Variants in FGF13 observed in about 807,000 individuals in gnomAD.
FGF13 encodes the protein fibroblast growth factor 13.
Under a neutral mutation model 19.5 loss-of-function variants are expected in FGF13, and 2 were observed. That is an observed-to-expected ratio of 0.10 (90% confidence interval 0.04 to 0.32). FGF13 has a LOEUF of 0.32. Among genes scored for constraint, FGF13 ranks in the 10% least tolerant of loss-of-function variants. FGF13 has a pLI of 1.00. For synonymous variants in FGF13, 72 were observed against 76.9 expected (o/e 0.94, Z 0.33); for missense variants, 113 against 192.7 (o/e 0.59, Z 2.45).
chrX:138,783,090 C>T (rs1444454912), intron 3 of FGF13, among the ~76,000 whole-genome samples: 1 of 98,478 alleles, frequency 1.0e-5, no homozygotes, highest in Non-Finnish European at 2.0e-5. Context: ...ATAAATGGTA[C>T]TGGGAAAACT....
intron 1 of FGF13, among the ~76,000 whole-genome samples, chrX:138,891,106 A>T (rs1328047062): frequency 9.0e-6 from 1 of 111,642 alleles, no homozygotes; most frequent in Non-Finnish European, 1.9e-5. Flanking sequence ...CCTGGCTAAC[A>T]CGGTGAAACC....
At chrX:138,678,138 A>G (rs2089691576) in intron 3 of FGF13, among the ~76,000 whole-genome samples, 1 of 111,007 alleles carries the variant, frequency 9.0e-6, no homozygotes, top group Non-Finnish European at 1.9e-5. Flanking sequence ...ATGAGAACAC[A>G]TGGACACAGG....
chrX:139,129,805 C>A (rs763238959), intron 1 of FGF13, among the ~76,000 whole-genome samples: 2 of 111,553 alleles, frequency 1.8e-5, no homozygotes, highest in South Asian at 7.6e-4. Flanking sequence ...GACCCAGGAA[C>A]AGTCTCTTCC....
chrX:138,766,872 A>G (rs1372545446), intron 3 of FGF13, among the ~76,000 whole-genome samples: 1 of 112,054 alleles, frequency 8.9e-6, no homozygotes, highest in Non-Finnish European at 1.9e-5. Flanking sequence ...TCCAGCTTCA[A>G]TCTTCTACAT....
At chrX:138,677,533 C>A (rs2089683243) in intron 3 of FGF13, among the ~76,000 whole-genome samples, 3 of 111,377 alleles carry the variant, frequency 2.7e-5, no homozygotes. Flanking sequence ...TGAACAGACA[C>A]TTCTCAAAAG....
chrX:138,781,679 C>A (rs1441841077), intron 3 of FGF13, among the ~76,000 whole-genome samples: 3 of 111,486 alleles, frequency 2.7e-5, no homozygotes, highest in African/African-American at 9.8e-5. Context: ...GCTTACCAAC[C>A]AAAAAGAGTC....
rs2088965148 is a variant in FGF13, at chrX:138,616,109, G to A, written c.*16741C>T. 1 of 111,523 alleles carries A rather than the reference G, an allele frequency of 9.0e-6. No homozygotes were observed. The highest frequency in any genetic ancestry group is 3.3e-5 in the African/African-American group (1 of 30,607). The allele number at this position is 111,523 out of a possible 1,213,427, so 9.2% of individuals were successfully genotyped here. A position where few individuals can be genotyped will look rare whatever the true frequency, so the allele number is the denominator to read the frequency against. On this transcript the variant is annotated 3_prime_UTR_variant, in exon 5 of 5. Coordinates refer to ENST00000315930, the MANE Select transcript of FGF13 (RefSeq NM_004114.5). ...TTCTCACATTTCAAAACACAATCAT[G>A]CCCTTCCAATAGTCCCCCAAAGTAT...
chrX:139,189,064 TCC>T (rs2084303187), intron 1 of FGF13, among the ~76,000 whole-genome samples: 2 of 86,191 alleles, frequency 2.3e-5, no homozygotes, highest in Admixed American at 2.3e-4. Flanking sequence ...GTTCATTGTT[TCC>T]ACACACACAC....
At position 138,634,319 on chromosome X, in the gene FGF13, C is replaced by T. The variant is rs17510291; in HGVS notation, c.601+1138G>A. Among the ~76,000 whole-genome samples the T allele has an allele frequency of 8.0e-3, 897 of 111,959 alleles. 8 individuals are homozygous for T. Among genetic ancestry groups the T allele is most frequent in the African/African-American group, 0.027 (842 of 30,793 alleles). On this transcript the variant is annotated intron_variant, in intron 4 of 4. Transcript: ENST00000315930. The stretch of plus-strand genomic sequence containing the variant: ...ACGCCATTCTCCGGACCTCGTGATC[C>T]GCCCGCCTCGGCCTCCCCAAAGTGC...
intron 1 of FGF13, among the ~76,000 whole-genome samples, chrX:138,928,424 C>T (rs920057522): frequency 6.3e-5 from 7 of 110,639 alleles, no homozygotes; most frequent in Admixed American, 5.8e-4. Context: ...ATGTGTATTG[C>T]ATTATATCTA....
At chrX:138,884,067 C>A (rs753356355) in intron 1 of FGF13, among the ~76,000 whole-genome samples, 1 of 111,573 alleles carries the variant, frequency 9.0e-6, no homozygotes, top group East Asian at 2.8e-4. Flanking sequence ...CATCTGCAAA[C>A]TGGAAAAAAT....
At chrX:138,866,144 G>C (rs982625185) in intron 1 of FGF13, among the ~76,000 whole-genome samples, 2 of 112,607 alleles carry the variant, frequency 1.8e-5, no homozygotes, top group Non-Finnish European at 3.7e-5. Context: ...GTAATTCAGT[G>C]GTTCTTTATC....
chrX:138,747,085 TCATCAGAAAGAATGGA>T (rs1475637606), intron 3 of FGF13, among the ~76,000 whole-genome samples: 1 of 111,300 alleles, frequency 9.0e-6, no homozygotes, highest in Non-Finnish European at 1.9e-5. Flanking sequence ...CCACCAATTC[TCATCAGAAAGAATGGA>T]ACCTGGAAAC....
intron 1 of FGF13, among the ~76,000 whole-genome samples, chrX:139,018,241 C>A (rs1277137466): frequency 9.0e-6 from 1 of 111,518 alleles, no homozygotes; most frequent in Admixed American, 9.5e-5. Flanking sequence ...ACTGAGTAAT[C>A]CACATTGGAG....
chrX:139,070,298 C>T (rs2092372443), intron 1 of FGF13, among the ~76,000 whole-genome samples: 1 of 111,976 alleles, frequency 8.9e-6, no homozygotes, highest in Non-Finnish European at 1.9e-5. Context: ...AAACGAATAA[C>T]CCCATCAAAA....
At chrX:139,006,829 CA>C (rs1269350498) in intron 1 of FGF13, among the ~76,000 whole-genome samples, 9 of 110,787 alleles carry the variant, frequency 8.1e-5, no homozygotes, top group South Asian at 3.8e-4. Context: ...AACCCCAAAT[CA>C]AAAAACATGA....
chrX:138,755,325 A>T (rs1195021596), intron 3 of FGF13, among the ~76,000 whole-genome samples: 1 of 112,405 alleles, frequency 8.9e-6, no homozygotes, highest in African/African-American at 3.2e-5. Context: ...ATAGGGAATT[A>T]AGTTAATCAA....
At chrX:138,839,193 A>C (rs2091132970) in intron 3 of FGF13, among the ~76,000 whole-genome samples, 1 of 110,839 alleles carries the variant, frequency 9.0e-6, no homozygotes, top group African/African-American at 3.3e-5. Context: ...GTCATATGAT[A>C]CCTTTCATTA....
At chrX:139,145,832 T>A (rs1603220185) in intron 1 of FGF13, among the ~76,000 whole-genome samples, 2 of 111,979 alleles carry the variant, frequency 1.8e-5, no homozygotes, top group South Asian at 7.5e-4. Context: ...CAGGAAGGAA[T>A]CAGGTGAGAG....
Sources: allele counts gnomAD v4.1 joint callset (sites outside exome capture counted in the v4.1 genomes callset), GRCh38; gene constraint gnomAD v4.1.1; transcripts MANE v1.5; gene names NCBI Gene and HGNC (gene_info 2026-07-23, HGNC 2026-07-21).